The following CSMD3 variants were observed in gnomAD, a reference collection of about 807,000 sequenced individuals.
The protein encoded by CSMD3 is CUB and Sushi multiple domains 3, also known as CUB and sushi domain-containing protein 3.
In CSMD3, 177 loss-of-function variants were observed where a neutral mutation model predicts 435.2. That is an observed-to-expected ratio of 0.41 (90% CI 0.36 to 0.46). The LOEUF is 0.46. CSMD3 is among the 20% of genes least tolerant of loss of function. The pLI is 0.34. For missense variants in CSMD3, 4,265 were observed against 4,504.6 expected (o/e 0.95, Z 1.52); for synonymous variants, 1,656 against 1,520.5 (o/e 1.09, Z -2.07).
intron 22 of CSMD3, among the ~76,000 whole-genome samples, chr8:112,625,719 A>G (rs1394018829): frequency 1.3e-5 from 2 of 152,130 alleles, no homozygotes; most frequent in East Asian, 1.9e-4. Flanking sequence ...ACACAGATGT[A>G]GAAAAATGGT....
intron 11 of CSMD3, among the ~76,000 whole-genome samples, chr8:112,842,764 G>A (rs149352450): frequency 1.6e-3 from 244 of 151,724 alleles, no homozygotes; most frequent in African/African-American, 5.8e-3. Context: ...CATCAAGAAT[G>A]TAAAATATAG....
Position 112,831,880 on chromosome 8 carries a change from T to A in CSMD3, c.1756-2091A>T, listed in dbSNP as rs145801479. ...CATAGAGGGAGTTAAATCAATATCT[T>A]AGTTCTACCTGTGGCTCACTCATAG... On this transcript the variant is annotated intron_variant, in intron 11 of 70. Transcript: ENST00000297405. 3.1e-3 allele frequency among the ~76,000 whole-genome samples: 475 copies of A among 152,274 alleles called. 4 individuals are homozygous for A. Among genetic ancestry groups the A allele is most frequent in the African/African-American group, 9.9e-3 (410 of 41,572 alleles).
intron 17 of CSMD3, among the ~76,000 whole-genome samples, chr8:112,662,465 G>T (rs887282159): frequency 6.6e-6 from 1 of 152,010 alleles, no homozygotes; most frequent in African/African-American, 2.4e-5. Flanking sequence ...AAACTGGCTA[G>T]CCATATGTAG....
At position 112,557,573 on chromosome 8, in the gene CSMD3, T is replaced by C. The variant is rs536367919; in HGVS notation, c.4043-619A>G. ...GGTTGAGTCAATTACTGAGGAGCAA[T>C]GATTTAATCAATTATGCCTATGTAA... On this transcript the variant is annotated intron_variant, in intron 24 of 70. Coordinates refer to ENST00000297405, the MANE Select transcript of CSMD3 (RefSeq NM_198123.2). 2.0e-5 allele frequency among the ~76,000 whole-genome samples: 3 copies of C among 152,014 alleles called. No homozygotes were observed. In the East Asian group the frequency reaches 5.8e-4, roughly 30 times the overall value.
chr8:112,735,987 T>C (rs12679365), intron 13 of CSMD3, among the ~76,000 whole-genome samples: 50,449 of 151,710 alleles, frequency 0.33, 9,262 homozygotes, highest in African/African-American at 0.5. Flanking sequence ...AGAAATCATA[T>C]TTCAATTTTC....
intron 45 of CSMD3, among the ~76,000 whole-genome samples, chr8:112,329,475 A>C (rs1193860125): frequency 6.6e-6 from 1 of 151,968 alleles, no homozygotes; most frequent in Non-Finnish European, 1.5e-5. Context: ...AACTGCTCAA[A>C]TTTTCTAACA....
At chr8:112,307,942 A>C (rs1057336011) in intron 50 of CSMD3, among the ~76,000 whole-genome samples, 1 of 152,156 alleles carries the variant, frequency 6.6e-6, no homozygotes. Context: ...TTTGCTGCTT[A>C]ATTTTCATTA....
chr8:113,311,367 T>A (rs1451781716), intron 2 of CSMD3: 1 of 152,148 alleles, frequency 6.6e-6, no homozygotes, highest in Admixed American at 6.5e-5. Context: ...AAATTCTGAT[T>A]ATGAATCCCA....
In CSMD3 at chr8:112,550,850, G is replaced by A. The variant is rs200071288; in HGVS notation, c.4385C>T (p.Thr1462Met). ...IVSLQFLAFD[T>M]EASHDILRVW... ...TCGGAGTATATCATGTGATGCTTCCGTATCAAAAGCAAGAAACTGCAAGCT... is the reference window on the plus strand; with the variant it reads ...TCGGAGTATATCATGTGATGCTTCCATATCAAAAGCAAGAAACTGCAAGCT... Residue 1462 changes from threonine (T) to methionine (M), a missense_variant, in exon 27 of 71, where the codon ACG becomes ATG. Around this residue, in one of 3 missense-constraint regions of CSMD3, gnomAD observed 3,255 missense variants for 3,380.2 expected, o/e 0.96. Coordinates refer to ENST00000297405, the MANE Select transcript of CSMD3 (RefSeq NM_198123.2). The A allele has an allele frequency of 3.9e-5, 63 of 1,610,938 alleles. No individual in the cohort carries two copies. Among genetic ancestry groups the A allele is most frequent in the Admixed American group, 3.2e-4 (19 of 59,828 alleles).
rs2130776306 is a variant in CSMD3 at position 112,304,707 on chromosome 8, G to C, written c.8266+14C>G. 1 of 1,583,964 alleles carries C rather than the reference G, an allele frequency of 6.3e-7. No individual in the cohort carries two copies. The highest frequency in any genetic ancestry group is 8.7e-7 in the Non-Finnish European group (1 of 1,152,580). On this transcript the variant is annotated intron_variant, in intron 52 of 70. Coordinates refer to ENST00000297405, the MANE Select transcript of CSMD3 (RefSeq NM_198123.2). ...CATAGCTTATGAAATAAGTTTAGCA[G>C]AGTGTATACTTACTTTGGCAATATG...
At chr8:113,207,872 G>A (rs541620704) in intron 3 of CSMD3, among the ~76,000 whole-genome samples, 80 of 152,208 alleles carry the variant, frequency 5.3e-4, no homozygotes, top group South Asian at 3.7e-3. Context: ...TAAATCATTA[G>A]GACACCTGCT....
chr8:113,378,924 C>G (rs1039861355), intron 1 of CSMD3, among the ~76,000 whole-genome samples: 3 of 151,960 alleles, frequency 2.0e-5, no homozygotes, highest in Admixed American at 2.0e-4. Flanking sequence ...GCAATGTGCC[C>G]CAAAGCACAA....
intron 3 of CSMD3, among the ~76,000 whole-genome samples, chr8:113,230,480 C>G (rs1328694752): frequency 1.3e-5 from 2 of 151,526 alleles, no homozygotes; most frequent in African/African-American, 4.8e-5. Flanking sequence ...AACCAGAGAA[C>G]TATTAGAGTT....
At chr8:113,247,904 A>G (rs2093292409) in intron 3 of CSMD3, among the ~76,000 whole-genome samples, 1 of 152,106 alleles carries the variant, frequency 6.6e-6, no homozygotes, top group Non-Finnish European at 1.5e-5. Flanking sequence ...AAATTTCTAC[A>G]CTTGCAAATG....
intron 22 of CSMD3, among the ~76,000 whole-genome samples, chr8:112,588,123 A>G (rs1270207262): frequency 6.6e-6 from 1 of 151,758 alleles, no homozygotes; most frequent in African/African-American, 2.4e-5. Flanking sequence ...ATTACTTCAT[A>G]TTACCAAACC....
chr8:112,372,257 A>G (rs1828469157), intron 38 of CSMD3, among the ~76,000 whole-genome samples: 3 of 152,164 alleles, frequency 2.0e-5, no homozygotes, highest in African/African-American at 7.2e-5. Flanking sequence ...GCTTAATTTG[A>G]TTAAGTGGGG....
At chr8:112,783,010 T>C (rs947356466) in intron 13 of CSMD3, among the ~76,000 whole-genome samples, 2 of 152,006 alleles carry the variant, frequency 1.3e-5, no homozygotes, top group East Asian at 1.9e-4. Context: ...AGGTAAGACA[T>C]TCACTGGTAA....
intron 1 of CSMD3, among the ~76,000 whole-genome samples, chr8:113,426,480 T>C (rs2094636239): frequency 6.6e-6 from 1 of 150,740 alleles, no homozygotes; most frequent in Admixed American, 6.6e-5. Context: ...TCCCATAATG[T>C]AAACAAGCAA....
At chr8:112,883,473 T>A (rs575810022) in intron 10 of CSMD3, among the ~76,000 whole-genome samples, 2 of 152,090 alleles carry the variant, frequency 1.3e-5, no homozygotes, top group Admixed American at 6.6e-5. Flanking sequence ...TAGGTAGTGT[T>A]TTTCTAACAA....
Sources: gnomAD v4.1 joint callset for allele counts (sites outside exome capture counted in the v4.1 genomes callset) on GRCh38, gnomAD v4.1.1 for gene constraint, gnomAD v4.1.1 regional missense constraint, MANE v1.5 for transcripts, NCBI Gene and HGNC (gene_info 2026-07-23, HGNC 2026-07-21) for gene names.